Variants in RBMS3 observed in about 807,000 individuals in gnomAD.
The protein encoded by RBMS3 is RNA-binding motif, single-stranded-interacting protein 3.
In RBMS3, 27 loss-of-function variants were observed where a neutral mutation model predicts 66.8. The observed-to-expected ratio is 0.40, with a 90% confidence interval of 0.30 to 0.56. RBMS3 has a LOEUF of 0.56. Ranked by LOEUF, RBMS3 falls within the 20% of genes least tolerant of loss-of-function variation. The probability of loss-of-function intolerance (pLI) is 0.40; values close to 1 mark genes in which losing one functional copy is unlikely to be tolerated. For missense variants in RBMS3, 513 were observed against 549.5 expected, an observed-to-expected ratio of 0.93 and a Z score of 0.66; for synonymous variants, 188 against 183.0, an observed-to-expected ratio of 1.03 and a Z score of -0.22.
chr3:29,602,802 A>G (rs2048192171), intron 4 of RBMS3, among the ~76,000 whole-genome samples: 1 of 151,922 alleles, frequency 6.6e-6, no homozygotes. Flanking sequence ...TTTGTTAGGG[A>G]CAGTGATGAT....
intron 4 of RBMS3, among the ~76,000 whole-genome samples, chr3:29,590,768 T>C (rs2047705709): frequency 1.3e-5 from 2 of 152,050 alleles, no homozygotes; most frequent in African/African-American, 4.8e-5. Flanking sequence ...AACTTGCAGA[T>C]ATTTATTTTA....
chr3:29,824,266 C>A (rs1196091593), intron 6 of RBMS3, among the ~76,000 whole-genome samples: 1 of 152,042 alleles, frequency 6.6e-6, no homozygotes, highest in East Asian at 1.9e-4. Context: ...TCTGAGGGAG[C>A]TTATTTGCCT....
intron 6 of RBMS3, among the ~76,000 whole-genome samples, chr3:29,819,252 A>G (rs1253854531): frequency 6.6e-6 from 1 of 152,182 alleles, no homozygotes; most frequent in Non-Finnish European, 1.5e-5. Context: ...ACTTTTACTT[A>G]AAGGGCCAAC....
chr3:29,609,958 G>A (rs1470719624), intron 4 of RBMS3, among the ~76,000 whole-genome samples: 1 of 152,008 alleles, frequency 6.6e-6, no homozygotes, highest in African/African-American at 2.4e-5. Flanking sequence ...GAGCTTTTCT[G>A]TTCATTTGAC....
intron 8 of RBMS3, among the ~76,000 whole-genome samples, chr3:29,888,969 A>T (rs1380984024): frequency 1.3e-5 from 2 of 151,534 alleles, no homozygotes; most frequent in African/African-American, 4.8e-5. Flanking sequence ...CCCACGAACA[A>T]TTTTCACATT....
intron 1 of RBMS3, among the ~76,000 whole-genome samples, chr3:29,336,797 C>G (rs1236176900): frequency 6.6e-6 from 1 of 152,094 alleles, no homozygotes; most frequent in East Asian, 1.9e-4. Flanking sequence ...CCAGGCCTGA[C>G]ACTGCCTGCT....
chr3:29,454,034 C>T lies in RBMS3; in HGVS notation c.248+19119C>T, dbSNP rs1430266657. On this transcript the variant is annotated intron_variant, in intron 2 of 14. Transcript: ENST00000383767. ...GATCACAGTCTTAAGTAAATTTTCT[C>T]TGTATTTCCAAAGTGGAAAAAAAAT... 2.0e-5 allele frequency among the ~76,000 whole-genome samples: 3 copies of T among 152,156 alleles called. No homozygotes were observed. The East Asian group carries it at 5.8e-4, about 29-fold the overall frequency.
chr3:29,690,187 T>C (rs2051917451), intron 4 of RBMS3, among the ~76,000 whole-genome samples: 1 of 152,102 alleles, frequency 6.6e-6, no homozygotes, highest in South Asian at 2.1e-4. Context: ...TGGTGGCTCA[T>C]GCCTATAATC....
At chr3:29,758,118 A>G (rs1353600240) in intron 5 of RBMS3, among the ~76,000 whole-genome samples, 1 of 152,184 alleles carries the variant, frequency 6.6e-6, no homozygotes, top group Non-Finnish European at 1.5e-5. Context: ...TTGACATCTC[A>G]TATCAGGTTA....
intron 3 of RBMS3, among the ~76,000 whole-genome samples, chr3:29,568,043 A>T (rs2046808935): frequency 6.6e-6 from 1 of 152,182 alleles, no homozygotes. Flanking sequence ...TCCAAGGGTT[A>T]TGAGACTTTA....
At chr3:29,296,677 G>A (rs1311959247) in intron 1 of RBMS3, among the ~76,000 whole-genome samples, 2 of 151,804 alleles carry the variant, frequency 1.3e-5, no homozygotes, top group Non-Finnish European at 2.9e-5. Context: ...ATGTCTAGAA[G>A]ATGGGAGATC....
chr3:29,562,475 C>T (rs930507891), intron 3 of RBMS3, among the ~76,000 whole-genome samples: 2 of 152,058 alleles, frequency 1.3e-5, no homozygotes, highest in Non-Finnish European at 1.5e-5. Flanking sequence ...ACTACATGGG[C>T]CACTGGTCTA....
intron 4 of RBMS3, among the ~76,000 whole-genome samples, chr3:29,627,939 G>C (rs180710229): frequency 1.5e-4 from 23 of 152,216 alleles, no homozygotes; most frequent in Admixed American, 1.0e-3. Flanking sequence ...AGCCAGTGTA[G>C]AGAAACCACC....
intron 4 of RBMS3, among the ~76,000 whole-genome samples, chr3:29,654,295 C>T (rs1450658576): frequency 6.6e-6 from 1 of 152,084 alleles, no homozygotes; most frequent in African/African-American, 2.4e-5. Flanking sequence ...TTTCTTAACT[C>T]CTTATTAATA....
chr3:29,483,445 G>T (rs2043215017), intron 2 of RBMS3, among the ~76,000 whole-genome samples: 1 of 152,106 alleles, frequency 6.6e-6, no homozygotes. Context: ...ACCATCAGCA[G>T]TATCAACCTT....
chr3:29,687,872 A>G (rs12495372), intron 4 of RBMS3, among the ~76,000 whole-genome samples: 7,705 of 152,212 alleles, frequency 0.051, 672 homozygotes, highest in African/African-American at 0.18. Flanking sequence ...GGATTATTAG[A>G]CCCATGAACT....
intron 4 of RBMS3, among the ~76,000 whole-genome samples, chr3:29,659,617 C>T (rs903561813): frequency 6.6e-6 from 1 of 152,102 alleles, no homozygotes; most frequent in Non-Finnish European, 1.5e-5. Context: ...TTTCCCTTAT[C>T]CATTCATCAG....
At chr3:29,302,074 G>A (rs1051915423) in intron 1 of RBMS3, among the ~76,000 whole-genome samples, 2 of 151,856 alleles carry the variant, frequency 1.3e-5, no homozygotes, top group Non-Finnish European at 2.9e-5. Flanking sequence ...CAGTGGTATG[G>A]TCATGGCTCA....
chr3:29,611,069 C>T (rs976314269), intron 4 of RBMS3, among the ~76,000 whole-genome samples: 7 of 151,970 alleles, frequency 4.6e-5, no homozygotes, highest in African/African-American at 1.7e-4. Flanking sequence ...ATATGCCAAG[C>T]CAAACATGAA....
Sources: allele counts gnomAD v4.1 joint callset (sites outside exome capture counted in the v4.1 genomes callset), GRCh38; gene constraint gnomAD v4.1.1; transcripts MANE v1.5; gene names NCBI Gene and HGNC (gene_info 2026-07-23, HGNC 2026-07-21).